Variants in UNC80 observed in about 807,000 individuals in gnomAD.
UNC80 encodes the protein protein unc-80 homolog.
UNC80 carries 164 observed loss-of-function variants against 384.6 expected under a neutral mutation model. The ratio of observed to expected loss-of-function variants is 0.43; its 90% confidence interval spans 0.38 to 0.49. The LOEUF (loss-of-function observed/expected upper bound fraction) is 0.49, where lower values mean the gene tolerates loss of function less well. Among genes scored for constraint, UNC80 ranks in the 20% least tolerant of loss-of-function variants. UNC80 has a pLI of 0.00. For synonymous variants in UNC80, 1,486 were observed against 1,527.8 expected (o/e 0.97, Z 0.64); for missense variants, 3,330 against 4,143.0 (o/e 0.80, Z 5.39).
chr2:209,994,805 T>G (rs1158137712), intron 64 of UNC80, among the ~76,000 whole-genome samples: 1 of 152,192 alleles, frequency 6.6e-6, no homozygotes. Flanking sequence ...TTTAAAAAAA[T>G]TAAGTTACCA....
At chr2:209,959,747 C>T in intron 51 of UNC80, 40 bp downstream of exon 51, 1 of 1,530,820 alleles carries the variant, frequency 6.5e-7, no homozygotes, top group Non-Finnish European at 8.8e-7. Flanking sequence ...GTGAACACAG[C>T]TTGGCCCATG....
At chr2:209,990,912 AAACC>A (rs2093379977) in intron 61 of UNC80, among the ~76,000 whole-genome samples, 1 of 152,222 alleles carries the variant, frequency 6.6e-6, no homozygotes, top group Non-Finnish European at 1.5e-5. Context: ...AAACCGTGAT[AAACC>A]CTATTTGGGA....
chr2:209,999,104 A>T lies in UNC80; in HGVS notation c.*3509A>T, dbSNP rs2093522615. 3 of 152,238 alleles carry T rather than the reference A, an allele frequency of 2.0e-5. No individual in the cohort carries two copies. The highest frequency in any genetic ancestry group is 2.0e-4 in the Admixed American group (3 of 15,282). 9.4% of individuals were successfully genotyped at this position (152,238 alleles called of 1,614,324 possible). ...TTTATTAGCCATTTTATAGGTTAAA[A>T]CAAAAAATTGACTACACAGCCGACT... On this transcript the variant is annotated 3_prime_UTR_variant, in exon 65 of 65. Transcript: ENST00000673920.
intron 7 of UNC80, 37 bp from the exon 8 acceptor site, chr2:209,813,543 T>C: frequency 2.0e-6 from 3 of 1,534,926 alleles, no homozygotes; most frequent in Middle Eastern, 2.1e-4. Context: ...GAAAGCTTGA[T>C]TGTCAGTATA....
At chr2:209,959,449 A>G in intron 50 of UNC80, 40 bp from the exon 51 acceptor site, 18 of 1,531,876 alleles carry the variant, frequency 1.2e-5, no homozygotes, top group Non-Finnish European at 1.6e-5. Context: ...CTACATGAAT[A>G]CATTTTCAGA....
chr2:209,885,967 A>T (rs561506947), intron 25 of UNC80, among the ~76,000 whole-genome samples: 8 of 151,760 alleles, frequency 5.3e-5, no homozygotes, highest in African/African-American at 9.7e-5. Context: ...GTTTCACCAT[A>T]TTGGCCAGGC....
rs1375466169 is a variant in UNC80, at chr2:209,839,434, A to G, written c.3250+4A>G. ...AAGAAGCTTAAACTCCCCATAGGTA[A>G]AAGTATGTCTGTATTTGTTTATGGA... On this transcript the variant is annotated splice_donor_region_variant and intron_variant, in intron 19 of 64. Transcript: ENST00000673920. The surrounding 1 kb of genome is among the most constrained non-coding windows in gnomAD (Gnocchi z 4.1). 1.3e-6 allele frequency: 2 copies of G among 1,551,936 alleles called. No homozygotes were observed. Among genetic ancestry groups the G allele is most frequent in the Non-Finnish European group, 1.7e-6 (2 of 1,147,034 alleles).
chr2:209,921,052 T>C (rs2090000672), intron 33 of UNC80, among the ~76,000 whole-genome samples: 1 of 152,172 alleles, frequency 6.6e-6, no homozygotes, highest in Non-Finnish European at 1.5e-5. Context: ...GGTCTCGAAC[T>C]CCTCACCTCA....
At chr2:209,823,299 T>C (rs1413406496) in intron 13 of UNC80, among the ~76,000 whole-genome samples, 4 of 152,194 alleles carry the variant, frequency 2.6e-5, no homozygotes, top group African/African-American at 4.8e-5. Flanking sequence ...TGAATAGATA[T>C]TTACAAAGAG....
At chr2:209,866,489 C>CA (rs1559226578) in intron 22 of UNC80, among the ~76,000 whole-genome samples, 4,283 of 95,006 alleles carry the variant, frequency 0.045, 171 homozygotes, top group African/African-American at 0.11. Flanking sequence ...AAAATGCACC[C>CA]CCACACACAC....
In UNC80 at chr2:209,849,459, A is replaced by G. The variant is rs981665097; in HGVS notation, c.3463A>G (p.Ser1155Gly). The change falls in exon 22 of 65, where the codon AGT becomes GGT. Residue 1155 changes from serine to glycine, a missense_variant. By Grantham distance (56) the Ser-to-Gly change is moderately conservative. This residue lies in a region of UNC80 where 801 missense variants were observed against 950.8 expected (regional missense o/e 0.84). Coordinates refer to ENST00000673920, the MANE Select transcript of UNC80 (RefSeq NM_001371986.1). ...ENFFKRLGCH[S>G]FDDHLSPNQD... ...TGGCACCACCTTTACAGGTTGCCAC[A>G]GTTTTGATGATCATCTCTCTCCCAA... 5 of 1,550,836 alleles carry G rather than the reference A, an allele frequency of 3.2e-6. No homozygotes were observed. The African/African-American group carries it at 4.1e-5, about 13-fold the overall frequency.
At chr2:209,802,677 T>C (rs2153826404) in intron 7 of UNC80, among the ~76,000 whole-genome samples, 1 of 150,778 alleles carries the variant, frequency 6.6e-6, no homozygotes, top group East Asian at 2.0e-4. Flanking sequence ...TCTTGCATTT[T>C]TTTTAACTTC....
intron 44 of UNC80, among the ~76,000 whole-genome samples, chr2:209,941,768 A>C (rs1469634302): frequency 6.6e-6 from 1 of 152,102 alleles, no homozygotes; most frequent in Non-Finnish European, 1.5e-5. Context: ...CATCAACTGG[A>C]AACTTGTTGG....
Position 209,913,865 on chromosome 2 carries a change from G to A in UNC80, c.4954G>A (p.Glu1652Lys). Reference protein sequence around the residue: ...LIKAAPILTEEMYGDIQPAAW... With the variant: ...LIKAAPILTEKMYGDIQPAAW... Reference sequence around the variant, plus strand: ...CAAGGCAGCACCAATTCTGACAGAGGAGATGTACGGAGACATCCAGCCAGC... The same window carrying A: ...CAAGGCAGCACCAATTCTGACAGAGAAGATGTACGGAGACATCCAGCCAGC... Residue 1652 changes from glutamate (E) to lysine (K), a missense_variant, in exon 31 of 65, where the codon GAG becomes AAG. This residue lies in a region of UNC80 where 801 missense variants were observed against 950.8 expected (regional missense o/e 0.84). Transcript: ENST00000673920. 6.4e-7 allele frequency: 1 copy of A among 1,551,450 alleles called. No individual in the cohort carries two copies. The highest frequency in any genetic ancestry group is 2.0e-5 in the Admixed American group (1 of 51,004).
chr2:209,941,532 A>G, intron 44 of UNC80, 43 bp downstream of exon 44: 21 of 1,490,476 alleles, frequency 1.4e-5, no homozygotes, highest in Non-Finnish European at 1.9e-5. Context: ...TAACATGAGT[A>G]CTGCTCATAT....
At chr2:209,858,711 A>C (rs2083125515) in intron 22 of UNC80, among the ~76,000 whole-genome samples, 1 of 151,786 alleles carries the variant, frequency 6.6e-6, no homozygotes, top group African/African-American at 2.4e-5. Context: ...AAAAAAAGAA[A>C]GAAAAAAAGA....
intron 63 of UNC80, 54 bp from the exon 64 acceptor site, chr2:209,994,011 A>G: frequency 6.8e-7 from 1 of 1,469,246 alleles, no homozygotes; most frequent in South Asian, 1.3e-5. Context: ...TTAAGCATTG[A>G]CGGTCCGTTT....
At chr2:209,798,908 TCTC>T (rs1312059814) in intron 7 of UNC80, among the ~76,000 whole-genome samples, 1 of 149,528 alleles carries the variant, frequency 6.7e-6, no homozygotes, top group Non-Finnish European at 1.5e-5. Flanking sequence ...ATGGTCTTGA[TCTC>T]CTGACCTTGT....
At chr2:209,940,005 A>T (rs2091520051) in intron 43 of UNC80, among the ~76,000 whole-genome samples, 1 of 152,124 alleles carries the variant, frequency 6.6e-6, no homozygotes, top group Non-Finnish European at 1.5e-5. Flanking sequence ...GGGTTTCAGG[A>T]TGGGGCTCAA....
Sources: allele counts gnomAD v4.1 joint callset (sites outside exome capture counted in the v4.1 genomes callset), GRCh38; gene constraint gnomAD v4.1.1; regional missense constraint gnomAD v4.1.1; non-coding constraint Gnocchi (gnomAD v3.1); transcripts MANE v1.5; gene names NCBI Gene and HGNC (gene_info 2026-07-23, HGNC 2026-07-21).